Variants in SAP30 observed in about 807,000 individuals in gnomAD.
SAP30 encodes the protein Sin3A associated protein 30.
SAP30 carries 13 observed loss-of-function variants against 19.6 expected under a neutral mutation model. That is an observed-to-expected ratio of 0.66 (90% confidence interval 0.43 to 1.05). The LOEUF (loss-of-function observed/expected upper bound fraction) is 1.05, where lower values mean the gene tolerates loss of function less well. Among genes scored for constraint, SAP30 ranks in the 50% least tolerant of loss-of-function variants. The pLI, the probability that SAP30 is intolerant of heterozygous loss-of-function variation, is 0.00. For missense variants in SAP30, 257 were observed against 292.1 expected, an observed-to-expected ratio of 0.88 and a Z score of 0.88; for synonymous variants, 108 against 122.7, an observed-to-expected ratio of 0.88 and a Z score of 0.79.
rs1739065101 is a variant in SAP30, at chr4:173,377,440, TTC to T, written c.*115_*116del. ...ACAGAGGATTTTCTCTGATTTTATT[TTC>T]TTTGTTTCTGACTCTAATAATTAGT... On this transcript the variant is annotated 3_prime_UTR_variant, in exon 4 of 4. Transcript: ENST00000296504. 2 of 1,061,026 alleles carry T rather than the reference TTC, an allele frequency of 1.9e-6. No homozygotes were observed. Among genetic ancestry groups the T allele is most frequent in the Non-Finnish European group, 2.7e-6 (2 of 742,046 alleles). The allele number at this position is 1,061,026 out of a possible 1,614,324, so 65.7% of individuals were successfully genotyped here. A position where few individuals can be genotyped will look rare whatever the true frequency, so the allele number is the denominator to read the frequency against.
rs903714713 is a variant in SAP30, at chr4:173,371,735, T to G, written c.315+238T>G. On this transcript the variant is annotated intron_variant, in intron 1 of 3. Transcript: ENST00000296504. The surrounding 1 kb of genome is among the most constrained non-coding windows in gnomAD (Gnocchi z 6.4). The stretch of plus-strand genomic sequence containing the variant: ...TTCTTTCCCACCCTGGCCCCCAACC[T>G]CCCGCTGCCTGCGTCTCTCCCGCGC... 6.6e-6 allele frequency among the ~76,000 whole-genome samples: 1 copy of G among 151,718 alleles called. No individual in the cohort carries two copies. Among genetic ancestry groups the G allele is most frequent in the Non-Finnish European group, 1.5e-5 (1 of 67,936 alleles).
Position 173,371,520 on chromosome 4 carries a change from CTGCCCTCCCGCCCCTCGGT to C in SAP30, c.315+24_315+42del. Reference sequence around the variant, plus strand: ...AGCGTAAGTAAACCGCGGGACCGCCCTGCCCTCCCGCCCCTCGGTGGGGCCCCAGGAGCCGGGCAAAGGC... The same window carrying C: ...AGCGTAAGTAAACCGCGGGACCGCCCGGGGCCCCAGGAGCCGGGCAAAGGC... On this transcript the variant is annotated intron_variant, in intron 1 of 3. Coordinates refer to ENST00000296504, the MANE Select transcript of SAP30 (RefSeq NM_003864.4). This position sits in a 1 kb window ranked among gnomAD's most constrained non-coding sequence, Gnocchi z 6.4. The C allele has an allele frequency of 1.3e-6, 2 of 1,574,254 alleles. No homozygotes were observed. The highest frequency in any genetic ancestry group is 1.7e-6 in the Non-Finnish European group (2 of 1,164,450).
chr4:173,377,009 TCACA>T (rs1402682387), intron 3 of SAP30, among the ~76,000 whole-genome samples, 192 bp from the exon 4 acceptor site: 1 of 152,206 alleles, frequency 6.6e-6, no homozygotes, highest in Non-Finnish European at 1.5e-5. Context: ...TCCTTTGAAA[TCACA>T]CTATCTCTTG....
In SAP30 at chr4:173,377,301, C is replaced by G. The variant is rs746129404; in HGVS notation, c.637C>G (p.Leu213Val). 9 of 1,606,608 alleles carry G rather than the reference C, an allele frequency of 5.6e-6. No individual in the cohort carries two copies. Among genetic ancestry groups the G allele is most frequent in the Admixed American group, 1.7e-5 (1 of 58,342 alleles). The stretch of plus-strand genomic sequence containing the variant: ...GAAGAATGACAAGAACAAATCAGAT[C>G]TCAAGGTTGATAGTGGTGTTCACTA... Reference protein sequence around the residue: ...SVKNDKNKSDLKVDSGVH With the variant: ...SVKNDKNKSDVKVDSGVH Residue 213 changes from leucine to valine, a missense_variant, in exon 4 of 4, where the codon CTC becomes GTC. Coordinates refer to ENST00000296504, the MANE Select transcript of SAP30 (RefSeq NM_003864.4).
intron 3 of SAP30, 146 bp from the exon 4 acceptor site, chr4:173,377,059 G>A: frequency 1.9e-6 from 1 of 524,552 alleles, no homozygotes; most frequent in East Asian, 3.5e-5. Flanking sequence ...TTTCTGTCTT[G>A]TTGATATTTT....
rs770719801 is a variant in SAP30 at position 173,371,519 on chromosome 4, C to T, written c.315+22C>T. ...GAGCGTAAGTAAACCGCGGGACCGC[C>T]CTGCCCTCCCGCCCCTCGGTGGGGC... is the stretch of plus-strand genomic sequence containing the variant. On this transcript the variant is annotated intron_variant, in intron 1 of 3. Transcript: ENST00000296504. This position sits in a 1 kb window ranked among gnomAD's most constrained non-coding sequence, Gnocchi z 6.4. 1.9e-6 allele frequency: 3 copies of T among 1,574,496 alleles called. No individual in the cohort carries two copies. Among genetic ancestry groups the T allele is most frequent in the South Asian group, 1.1e-5 (1 of 90,598 alleles).
Position 173,373,883 on chromosome 4 carries a change from A to C in SAP30, c.442-56A>C, listed in dbSNP as rs558670911. On this transcript the variant is annotated intron_variant, in intron 2 of 3. Transcript: ENST00000296504. ...AAAATGTTTGTTATTATACATATCAATGATAAATTTTCAACAAATTGTATG... is the reference window on the plus strand; with the variant it reads ...AAAATGTTTGTTATTATACATATCACTGATAAATTTTCAACAAATTGTATG... 2.9e-3 allele frequency: 2,394 copies of C among 830,130 alleles called. 10 individuals carry two copies. The highest frequency in any genetic ancestry group is 4.7e-3 in the Middle Eastern group (13 of 2,776). 51.4% of individuals were successfully genotyped at this position (830,130 alleles called of 1,614,324 possible).
At chr4:173,376,793 A>AT (rs1027346581) in intron 3 of SAP30, among the ~76,000 whole-genome samples, 7 of 150,994 alleles carry the variant, frequency 4.6e-5, no homozygotes, top group Admixed American at 1.3e-4. Flanking sequence ...TAATTTTTGT[A>AT]TTTTTTTTGG....
chr4:173,375,064 T>G (rs1476059137), intron 3 of SAP30, among the ~76,000 whole-genome samples: 1 of 150,020 alleles, frequency 6.7e-6, no homozygotes, highest in African/African-American at 2.4e-5. Context: ...AAATAAAAAT[T>G]TTTACTTGCA....
At chr4:173,373,877 A>T in intron 2 of SAP30, 62 bp from the exon 3 acceptor site, 1 of 780,688 alleles carries the variant, frequency 1.3e-6, no homozygotes. Flanking sequence ...GTTATTATAC[A>T]TATCAATGAT....
chr4:173,373,100 T>C (rs1386420778), intron 1 of SAP30, among the ~76,000 whole-genome samples: 1 of 152,208 alleles, frequency 6.6e-6, no homozygotes, highest in Admixed American at 6.5e-5. Flanking sequence ...TGCAATTTGA[T>C]GACAAAACCC....
At chr4:173,372,185 G>T (rs1489126088) in intron 1 of SAP30, among the ~76,000 whole-genome samples, 1 of 152,228 alleles carries the variant, frequency 6.6e-6, no homozygotes, top group Non-Finnish European at 1.5e-5. Flanking sequence ...GACCATCTAT[G>T]AGGTTTTTAG....
At chr4:173,373,365 A>C in intron 1 of SAP30, 25 bp from the exon 2 acceptor site, 1 of 1,584,242 alleles carries the variant, frequency 6.3e-7, no homozygotes, top group South Asian at 1.2e-5. Flanking sequence ...AATCATAAGC[A>C]GTGTGTAAAA....
chr4:173,371,597 C>T lies in SAP30; in HGVS notation c.315+100C>T. On this transcript the variant is annotated intron_variant, in intron 1 of 3. Coordinates refer to ENST00000296504, the MANE Select transcript of SAP30 (RefSeq NM_003864.4). This position sits in a 1 kb window ranked among gnomAD's most constrained non-coding sequence, Gnocchi z 6.4. ...GTCGGCGGGGTCCCCCAGACAACCG[C>T]ACTGGCTGCAGTGCGGTCTCGTGGA... 1 of 1,495,482 alleles carries T rather than the reference C, an allele frequency of 6.7e-7. No individual in the cohort carries two copies. The highest frequency in any genetic ancestry group is 8.9e-7 in the Non-Finnish European group (1 of 1,120,796). The allele number at this position is 1,495,482 out of a possible 1,614,324, so 92.6% of individuals were successfully genotyped here. A position where few individuals can be genotyped will look rare whatever the true frequency, so the allele number is the denominator to read the frequency against.
In SAP30 at chr4:173,371,116, C is replaced by CGGAGAGAGGCGGAGCGGCCA; in HGVS notation, c.-57_-38dup. Reference sequence around the variant, plus strand: ...GCAGAGTGAATTGCCGCTGCCGGAGCGGAGAGAGGCGGAGCGGCCAGGAGA... The same window carrying CGGAGAGAGGCGGAGCGGCCA: ...GCAGAGTGAATTGCCGCTGCCGGAGCGGAGAGAGGCGGAGCGGCCAGGAGAGAGGCGGAGCGGCCAGGAGA... On this transcript the variant is annotated 5_prime_UTR_variant, in exon 1 of 4. Transcript: ENST00000296504. The surrounding 1 kb of genome is among the most constrained non-coding windows in gnomAD (Gnocchi z 6.4). The CGGAGAGAGGCGGAGCGGCCA allele has an allele frequency of 7.2e-7, 1 of 1,384,370 alleles. No homozygotes were observed. The allele number at this position is 1,384,370 out of a possible 1,614,324, so 85.8% of individuals were successfully genotyped here. A position where few individuals can be genotyped will look rare whatever the true frequency, so the allele number is the denominator to read the frequency against.
chr4:173,372,127 T>C (rs1738951896), intron 1 of SAP30, among the ~76,000 whole-genome samples: 5 of 152,246 alleles, frequency 3.3e-5, no homozygotes. Flanking sequence ...TCTGCGGTTT[T>C]GCCATCCCCT....
rs1296396594 is a variant in SAP30, at chr4:173,371,316, C to T, written c.134C>T (p.Pro45Leu). 5.4e-6 allele frequency: 7 copies of T among 1,303,184 alleles called. No homozygotes were observed. Among genetic ancestry groups the T allele is most frequent in the Non-Finnish European group, 5.8e-6 (6 of 1,033,126 alleles). 80.7% of individuals were successfully genotyped at this position (1,303,184 alleles called of 1,614,324 possible). A position where few individuals can be genotyped will look rare whatever the true frequency, so the allele number is the denominator to read the frequency against. Reference sequence around the variant, plus strand: ...GGCGCGGGCACCGGGGCTGAGGTGCCGGGCGCGGGGGCGGTCTCAGCGGCT... The same window carrying T: ...GGCGCGGGCACCGGGGCTGAGGTGCTGGGCGCGGGGGCGGTCTCAGCGGCT... ...GTGAGTGAEV[P>L]GAGAVSAAGP... The change falls in exon 1 of 4, where the codon CCG (proline) becomes CTG (leucine). Residue 45 changes from proline to leucine, a missense_variant. Physicochemically the swap from Pro to Leu is moderately conservative, Grantham distance 98. Transcript: ENST00000296504. This position sits in a 1 kb window ranked among gnomAD's most constrained non-coding sequence, Gnocchi z 6.4.
chr4:173,374,173 G>C, intron 3 of SAP30, 136 bp downstream of exon 3: 1 of 493,060 alleles, frequency 2.0e-6, no homozygotes, highest in South Asian at 4.1e-5. Flanking sequence ...TGTTGTGGAA[G>C]AATCTAGTTG....
In SAP30 at chr4:173,371,060, T is replaced by C. The variant is rs1738913019; in HGVS notation, c.-123T>C. On this transcript the variant is annotated 5_prime_UTR_variant, in exon 1 of 4. Transcript: ENST00000296504. The surrounding 1 kb of genome is among the most constrained non-coding windows in gnomAD (Gnocchi z 6.4). Reference sequence around the variant, plus strand: ...AGACCAGCAGGCCCGGGACAGTTGGTGTTTGGCCGTGCCGCTGTCTAACTT... The same window carrying C: ...AGACCAGCAGGCCCGGGACAGTTGGCGTTTGGCCGTGCCGCTGTCTAACTT... The C allele has an allele frequency of 4.4e-6, 5 of 1,127,172 alleles. No individual in the cohort carries two copies. Among genetic ancestry groups the C allele is most frequent in the Non-Finnish European group, 5.8e-6 (5 of 857,300 alleles). The allele number at this position is 1,127,172 out of a possible 1,614,324, so 69.8% of individuals were successfully genotyped here. A position where few individuals can be genotyped will look rare whatever the true frequency, so the allele number is the denominator to read the frequency against.
Sources: allele counts gnomAD v4.1 joint callset (sites outside exome capture counted in the v4.1 genomes callset), GRCh38; gene constraint gnomAD v4.1.1; non-coding constraint Gnocchi (gnomAD v3.1); transcripts MANE v1.5; gene names NCBI Gene and HGNC (gene_info 2026-07-23, HGNC 2026-07-21).